FRMPD4: variants seen among roughly 807,000 people sequenced by gnomAD.
FRMPD4 encodes FERM and PDZ domain containing 4.
In FRMPD4, 22 loss-of-function variants were observed where a neutral mutation model predicts 94.1. That is an observed-to-expected ratio of 0.23 (90% CI 0.17 to 0.33). The LOEUF is 0.33. Ranked by LOEUF, FRMPD4 falls within the 10% of genes least tolerant of loss-of-function variation. The pLI is 1.00. For synonymous variants in FRMPD4, 631 were observed against 548.6 expected, an observed-to-expected ratio of 1.15 and a Z score of -2.10; for missense variants, 1,111 against 1,339.9, an observed-to-expected ratio of 0.83 and a Z score of 2.67.
intron 1 of FRMPD4, among the ~76,000 whole-genome samples, chrX:12,481,970 A>AAAAAAAAAAAAAAAAAAAAAAAAAAAC (rs2057691747): frequency 1.0e-5 from 1 of 100,466 alleles, no homozygotes; most frequent in Non-Finnish European, 2.0e-5. Context: ...AAAAAAAAAA[A>AAAAAAAAAAAAAAAAAAAAAAAAAAAC]AGAAAGTGTT....
chrX:12,553,169 TAAGAAAGA>T (rs34630273), intron 2 of FRMPD4, among the ~76,000 whole-genome samples: 2,885 of 99,789 alleles, frequency 0.029, 36 homozygotes, highest in African/African-American at 0.034. Context: ...GTAAGTAAAG[TAAGAAAGA>T]AAGAAAGAAA....
At chrX:12,707,688 C>G in intron 13 of FRMPD4, 37 bp downstream of exon 13, 1 of 1,069,378 alleles carries the variant, frequency 9.4e-7, no homozygotes, top group Non-Finnish European at 1.3e-6. Context: ...GCCTTGCTGT[C>G]AACAGCTAAT....
chrX:12,310,235 G>A, intron 1 of FRMPD4, among the ~76,000 whole-genome samples: 1 of 109,392 alleles, frequency 9.1e-6, no homozygotes, highest in Non-Finnish European at 1.9e-5. Flanking sequence ...GGGTCGCAAG[G>A]TGCTCAGTGG....
At chrX:12,153,035 G>A (rs939083523) in intron 1 of FRMPD4, among the ~76,000 whole-genome samples, 4 of 105,834 alleles carry the variant, frequency 3.8e-5, no homozygotes, top group Non-Finnish European at 3.9e-5. Flanking sequence ...CCGGGTTCAC[G>A]CCATTCTCCT....
In FRMPD4 at chrX:12,716,090, A is replaced by G; in HGVS notation, c.1631A>G (p.His544Arg). Reference sequence around the variant, plus strand: ...TTAGGACCTGAAAACAAGGGGAAGCATAACCTCCTTGGCCCAGATTGGAAC... The same window carrying G: ...TTAGGACCTGAAAACAAGGGGAAGCGTAACCTCCTTGGCCCAGATTGGAAC... Reference protein sequence around the residue: ...QETGPENKGKHNLLGPDWNCI... With the variant: ...QETGPENKGKRNLLGPDWNCI... Residue 544 changes from histidine to arginine, a missense_variant, in exon 15 of 17, where the codon CAT becomes CGT. Around this residue, in one of 8 missense-constraint regions of FRMPD4, gnomAD observed 192 missense variants for 192.5 expected, o/e 1.00. Coordinates refer to ENST00000675598, the MANE Select transcript of FRMPD4 (RefSeq NM_001368397.1). 8.5e-7 allele frequency: 1 copy of G among 1,179,747 alleles called. No individual in the cohort carries two copies. The highest frequency in any genetic ancestry group is 1.9e-5 in the South Asian group (1 of 53,032).
chrX:12,710,369 GC>G (rs749171779), intron 13 of FRMPD4, 29 bp from the exon 14 acceptor site: 274 of 1,164,236 alleles, frequency 2.4e-4, no homozygotes, highest in Non-Finnish European at 2.8e-4. Context: ...AGAATGGATG[GC>G]TTTAACCAAA....
rs1339592882 is a variant in FRMPD4, at chrX:12,019,413, C to T, written c.95+141395C>T. Among the ~76,000 whole-genome samples, 5 of 109,768 alleles carry T rather than the reference C, an allele frequency of 4.6e-5. No individual in the cohort carries two copies. In the Admixed American group the frequency reaches 4.9e-4, roughly 11 times the overall value. On this transcript the variant is annotated intron_variant, in intron 3 of 18. Coordinates refer to the FRMPD4 transcript ENST00000640291. ...CCAGTGTCTCTCTCTCTCTCTCCCT[C>T]TCTCTCCTCTCTTCAATCCTGTTTA... is the stretch of plus-strand genomic sequence containing the variant.
At chrX:12,482,239 A>C (rs1376980929) in intron 1 of FRMPD4, among the ~76,000 whole-genome samples, 2 of 111,253 alleles carry the variant, frequency 1.8e-5, no homozygotes, top group Non-Finnish European at 1.9e-5. Context: ...AGGAAAATAT[A>C]AAACATTTGT....
chrX:12,518,362 T>C (rs185942438), intron 2 of FRMPD4, among the ~76,000 whole-genome samples: 268 of 111,743 alleles, frequency 2.4e-3, no homozygotes, highest in African/African-American at 8.3e-3. Flanking sequence ...GAAAAAACCT[T>C]TGGCTGATAC....
intron 10 of FRMPD4, among the ~76,000 whole-genome samples, chrX:12,702,695 G>C (rs748756422): frequency 8.9e-6 from 1 of 112,711 alleles, no homozygotes; most frequent in Admixed American, 9.4e-5. Flanking sequence ...AAATTCATGA[G>C]CCTGTGTTGG....
At chrX:12,475,685 C>G (rs1236385770) in intron 1 of FRMPD4, among the ~76,000 whole-genome samples, 5 of 111,495 alleles carry the variant, frequency 4.5e-5, no homozygotes, top group African/African-American at 1.6e-4. Context: ...AAACAGAGAG[C>G]CAAATCATGA....
At chrX:12,323,598 G>A (rs1304727547) in intron 1 of FRMPD4, among the ~76,000 whole-genome samples, 3 of 111,181 alleles carry the variant, frequency 2.7e-5, no homozygotes, top group African/African-American at 6.6e-5. Context: ...GGCCCAACAT[G>A]TTGTTTGCCT....
intron 3 of FRMPD4, among the ~76,000 whole-genome samples, chrX:12,005,374 C>A (rs1406729154): frequency 9.3e-6 from 1 of 107,900 alleles, no homozygotes; most frequent in African/African-American, 3.4e-5. Context: ...ATCACAGACA[C>A]CCGATGTTGG....
chrX:11,826,627 C>G (rs1473531949), intron 1 of FRMPD4, among the ~76,000 whole-genome samples: 2 of 111,886 alleles, frequency 1.8e-5, no homozygotes, highest in Admixed American at 9.5e-5. Flanking sequence ...GACTTGAGTA[C>G]TTTTTAATAG....
At chrX:12,094,016 A>G (rs2055177622) in intron 3 of FRMPD4, among the ~76,000 whole-genome samples, 5 of 112,461 alleles carry the variant, frequency 4.4e-5, no homozygotes. Flanking sequence ...TAGAAAAGAT[A>G]TATCAAAGAC....
At chrX:12,017,223 C>T (rs758987396) in intron 3 of FRMPD4, among the ~76,000 whole-genome samples, 11 of 112,196 alleles carry the variant, frequency 9.8e-5, no homozygotes, top group Non-Finnish European at 1.9e-4. Context: ...GCCCTTGTAA[C>T]TCATTGAATT....
chrX:12,162,122 A>G (rs1339442253), intron 1 of FRMPD4, among the ~76,000 whole-genome samples: 1 of 112,415 alleles, frequency 8.9e-6, no homozygotes, highest in African/African-American at 3.2e-5. Context: ...AAAAGTCTGC[A>G]TCGTGGAAGT....
intron 3 of FRMPD4, among the ~76,000 whole-genome samples, chrX:12,044,055 T>C (rs2054772635): frequency 8.9e-6 from 1 of 112,179 alleles, no homozygotes; most frequent in African/African-American, 3.2e-5. Context: ...ACCAGTTTTC[T>C]GAATGATAAA....
intron 1 of FRMPD4, among the ~76,000 whole-genome samples, chrX:12,474,809 G>C (rs2057571458): frequency 9.0e-6 from 1 of 111,337 alleles, no homozygotes; most frequent in Admixed American, 9.6e-5. Context: ...TGAAATTGAG[G>C]CAATAATTAA....
Sources: allele counts gnomAD v4.1 joint callset (sites outside exome capture counted in the v4.1 genomes callset), GRCh38; gene constraint gnomAD v4.1.1; regional missense constraint gnomAD v4.1.1; transcripts MANE v1.5; gene names NCBI Gene and HGNC (gene_info 2026-07-23, HGNC 2026-07-21).